The following MSRA variants were observed in gnomAD, a reference collection of about 807,000 sequenced individuals.
MSRA encodes methionine sulfoxide reductase A, also known as mitochondrial peptide methionine sulfoxide reductase.
A neutral mutation model predicts 31.3 loss-of-function variants in MSRA; 54 were observed. The observed-to-expected ratio is 1.73, with a 90% CI of 1.39 to 2.17. The LOEUF is 2.17. Among genes scored for constraint, MSRA ranks in the 30% most tolerant of loss-of-function variants. MSRA has a pLI of 0.00. For synonymous variants in MSRA, 169 were observed against 116.5 expected, an observed-to-expected ratio of 1.45 and a Z score of -2.90; for missense variants, 507 against 300.9, an observed-to-expected ratio of 1.69 and a Z score of -5.07.
At chr8:10,330,062 T>C (rs1030491023) in intron 5 of MSRA, among the ~76,000 whole-genome samples, 2 of 147,358 alleles carry the variant, frequency 1.4e-5, no homozygotes, top group African/African-American at 4.9e-5. Context: ...AGCATTTGGA[T>C]GTTTGGCAAG....
chr8:10,191,604 A>T (rs1807510835), intron 1 of MSRA, among the ~76,000 whole-genome samples: 1 of 152,212 alleles, frequency 6.6e-6, no homozygotes, highest in Admixed American at 6.5e-5. Context: ...TGTTTTAGCA[A>T]TGCCAGCACA....
intron 5 of MSRA, among the ~76,000 whole-genome samples, chr8:10,400,581 C>T (rs1213710608): frequency 6.6e-6 from 1 of 152,166 alleles, no homozygotes; most frequent in Non-Finnish European, 1.5e-5. Context: ...TGCCTTGAGG[C>T]TGTAACAAGC....
chr8:10,327,382 A>T (rs1490404118), intron 5 of MSRA, among the ~76,000 whole-genome samples: 1 of 152,174 alleles, frequency 6.6e-6, no homozygotes, highest in Non-Finnish European at 1.5e-5. Context: ...TTTGTTTATA[A>T]TTAATACAGG....
At chr8:10,095,687 C>T (rs751813875) in intron 1 of MSRA, 10 of 1,021,870 alleles carry the variant, frequency 9.8e-6, no homozygotes, top group East Asian at 8.5e-5. Context: ...GAAAGAAAAC[C>T]GTCCTGGGGT....
At chr8:10,290,826 T>G (rs960217558) in intron 3 of MSRA, among the ~76,000 whole-genome samples, 3 of 152,170 alleles carry the variant, frequency 2.0e-5, no homozygotes, top group Admixed American at 2.0e-4. Context: ...ATAAACTGCA[T>G]TGGTTCTCTT....
chr8:10,124,253 A>T (rs1801334383), intron 1 of MSRA, among the ~76,000 whole-genome samples: 1 of 152,222 alleles, frequency 6.6e-6, no homozygotes, highest in South Asian at 2.1e-4. Context: ...AGCCATTGAT[A>T]AATATGGTGA....
At position 10,251,861 on chromosome 8, in the gene MSRA, T is replaced by TGG. The variant is rs386412047; in HGVS notation, c.331+6649_331+6650dup. 4.6e-3 allele frequency among the ~76,000 whole-genome samples: 649 copies of TGG among 139,842 alleles called. 6 individuals are homozygous for TGG. The highest frequency in any genetic ancestry group is 8.5e-3 in the East Asian group (41 of 4,830). The allele number at this position is 139,842 out of a possible 152,430, so 91.7% of individuals were successfully genotyped here. On this transcript the variant is annotated intron_variant, in intron 3 of 5. Coordinates refer to ENST00000317173, the MANE Select transcript of MSRA (RefSeq NM_012331.5). ...GCACCCCTCTGAAGGGTTGACATGGTGGGGGGGGGGGGACATAGGTCATGG... is the reference window on the plus strand; with the variant it reads ...GCACCCCTCTGAAGGGTTGACATGGTGGGGGGGGGGGGGGACATAGGTCATGG...
chr8:10,134,906 C>G (rs913255888), intron 1 of MSRA, among the ~76,000 whole-genome samples: 1 of 152,166 alleles, frequency 6.6e-6, no homozygotes, highest in Admixed American at 6.5e-5. Context: ...AGCTCTTGCC[C>G]CGGAGTGTTT....
chr8:10,137,568 C>A (rs1176229150), intron 1 of MSRA, among the ~76,000 whole-genome samples: 1 of 152,148 alleles, frequency 6.6e-6, no homozygotes, highest in South Asian at 2.1e-4. Flanking sequence ...AAAGAACTGA[C>A]CATAAGCTTA....
intron 1 of MSRA, among the ~76,000 whole-genome samples, chr8:10,190,472 G>A (rs1045770066): frequency 6.6e-6 from 1 of 152,196 alleles, no homozygotes; most frequent in Admixed American, 6.5e-5. Flanking sequence ...AGAGGGTGAT[G>A]TTGCCTGTCT....
chr8:10,183,114 A>C (rs561346383), intron 1 of MSRA, among the ~76,000 whole-genome samples: 8 of 152,236 alleles, frequency 5.3e-5, no homozygotes, highest in Admixed American at 3.9e-4. Context: ...GTTATAGCTT[A>C]GTTTATCTTA....
rs532624364 is a variant in MSRA at position 10,170,586 on chromosome 8, C to T, written c.143-37247C>T. Among the ~76,000 whole-genome samples, 8 of 152,262 alleles carry T rather than the reference C, an allele frequency of 5.3e-5. No individual in the cohort carries two copies. In the South Asian group the frequency reaches 1.0e-3, roughly 20 times the overall value. ...TGTTTTTAAAAAAAACACAAAAATA[C>T]AGTGTATCAACCATTTGCAAAGCAT... On this transcript the variant is annotated intron_variant, in intron 1 of 5. Transcript: ENST00000317173.
chr8:10,297,966 C>T (rs1800632793), intron 3 of MSRA, among the ~76,000 whole-genome samples: 1 of 152,188 alleles, frequency 6.6e-6, no homozygotes. Context: ...TTTGTTGTCA[C>T]TTCATGGCTT....
At chr8:10,223,715 T>G (rs1244265751) in intron 2 of MSRA, among the ~76,000 whole-genome samples, 1 of 152,038 alleles carries the variant, frequency 6.6e-6, no homozygotes, top group Non-Finnish European at 1.5e-5. Context: ...GACCATAAAT[T>G]TGATGAAAAA....
At chr8:10,286,652 G>A (rs1050227677) in intron 3 of MSRA, among the ~76,000 whole-genome samples, 3 of 152,208 alleles carry the variant, frequency 2.0e-5, no homozygotes, top group Admixed American at 6.5e-5. Context: ...CCCCTCCCAT[G>A]GCACCTAACA....
At chr8:10,092,225 T>C (rs2128928096) in intron 1 of MSRA, among the ~76,000 whole-genome samples, 1 of 152,302 alleles carries the variant, frequency 6.6e-6, no homozygotes, top group South Asian at 2.1e-4. Flanking sequence ...TTTTCCTTTC[T>C]TTTTTTGGTC....
chr8:10,250,634 C>T (rs541138627), intron 3 of MSRA: 43 of 606,754 alleles, frequency 7.1e-5, no homozygotes, highest in African/African-American at 2.4e-4. Flanking sequence ...GCAGAGGTTT[C>T]GAGCAGGAGC....
chr8:10,148,246 T>G (rs1803332144), intron 1 of MSRA, among the ~76,000 whole-genome samples: 1 of 152,110 alleles, frequency 6.6e-6, no homozygotes, highest in Non-Finnish European at 1.5e-5. Context: ...TATGTTAAAA[T>G]GTATCCCTTC....
intron 5 of MSRA, among the ~76,000 whole-genome samples, chr8:10,421,570 G>A (rs574783041): frequency 7.2e-5 from 11 of 151,910 alleles, no homozygotes; most frequent in Non-Finnish European, 1.6e-4. Context: ...GATCCTAATC[G>A]TAAGCTTGTT....
Sources: allele counts gnomAD v4.1 joint callset (sites outside exome capture counted in the v4.1 genomes callset), GRCh38; gene constraint gnomAD v4.1.1; transcripts MANE v1.5; gene names NCBI Gene and HGNC (gene_info 2026-07-23, HGNC 2026-07-21).